SPOPL: variants seen among roughly 807,000 people sequenced by gnomAD.
The protein encoded by SPOPL is speckle-type POZ protein-like.
SPOPL carries 23 observed loss-of-function variants against 53.8 expected under a neutral mutation model. That is an observed-to-expected ratio of 0.43 (90% CI 0.31 to 0.61). The LOEUF (loss-of-function observed/expected upper bound fraction) is 0.61, where lower values mean the gene tolerates loss of function less well. Ranked by LOEUF, SPOPL falls within the 20% of genes least tolerant of loss-of-function variation. SPOPL has a pLI of 0.12. For missense variants in SPOPL, 442 were observed against 466.9 expected, an observed-to-expected ratio of 0.95 and a Z score of 0.49; for synonymous variants, 164 against 149.7, an observed-to-expected ratio of 1.10 and a Z score of -0.70.
intron 1 of SPOPL, among the ~76,000 whole-genome samples, chr2:138,533,159 A>T (rs1684848789): frequency 1.3e-5 from 2 of 152,196 alleles, no homozygotes; most frequent in African/African-American, 2.4e-5. Flanking sequence ...GAGGTGCTAT[A>T]ATAATTTAAT....
intron 1 of SPOPL, among the ~76,000 whole-genome samples, chr2:138,526,343 C>T (rs377402392): frequency 2.0e-5 from 3 of 152,060 alleles, no homozygotes; most frequent in African/African-American, 2.4e-5. Context: ...GGTTATTCAG[C>T]TCTGTTGTCT....
At chr2:138,542,180 G>T (rs1377680376) in intron 1 of SPOPL, among the ~76,000 whole-genome samples, 1 of 152,212 alleles carries the variant, frequency 6.6e-6, no homozygotes, top group Non-Finnish European at 1.5e-5. Flanking sequence ...TGGAATAAAT[G>T]TGGTGTGCTG....
chr2:138,551,160 T>A, intron 4 of SPOPL, 106 bp downstream of exon 4: 1 of 1,268,414 alleles, frequency 7.9e-7, no homozygotes, highest in Non-Finnish European at 1.1e-6. Context: ...TGCTAAAATC[T>A]GCTTAACCTG....
At position 138,559,172 on chromosome 2, in the gene SPOPL, T is replaced by A; in HGVS notation, c.631T>A (p.Phe211Ile). ...DCSFFVRGQE[F>I]KAHKSVLAAR... The stretch of plus-strand genomic sequence containing the variant: ...CAGTTTTTTCGTGAGAGGACAAGAA[T>A]TTAAAGCTCATAAATCTGTGCTTGC... Residue 211 changes from phenylalanine (F) to isoleucine (I), a missense_variant, in exon 6 of 11, where the codon TTT becomes ATT. Coordinates refer to ENST00000280098, the MANE Select transcript of SPOPL (RefSeq NM_001001664.3). The A allele has an allele frequency of 6.2e-7, 1 of 1,613,712 alleles. No individual in the cohort carries two copies. Among genetic ancestry groups the A allele is most frequent in the South Asian group, 1.1e-5 (1 of 91,048 alleles).
intron 1 of SPOPL, among the ~76,000 whole-genome samples, chr2:138,530,371 G>GGTA (rs1684781107): frequency 6.6e-6 from 1 of 152,104 alleles, no homozygotes; most frequent in Non-Finnish European, 1.5e-5. Flanking sequence ...TGGGTCGAAT[G>GGTA]GTAGTTATGT....
At chr2:138,548,940 A>G (rs1685254429) in intron 1 of SPOPL, among the ~76,000 whole-genome samples, 1 of 151,918 alleles carries the variant, frequency 6.6e-6, no homozygotes, top group Non-Finnish European at 1.5e-5. Context: ...TCCTGTTTCT[A>G]CTCCCAAGTC....
At position 138,570,572 on chromosome 2, in the gene SPOPL, G is replaced by A. The variant is rs1445085689; in HGVS notation, c.*1492G>A. ...GTGGTGACCAGTGTGCTTCTTAAGGGCAAGATTTATATTTGACCACAAGGG... is the reference window on the plus strand; with the variant it reads ...GTGGTGACCAGTGTGCTTCTTAAGGACAAGATTTATATTTGACCACAAGGG... On this transcript the variant is annotated 3_prime_UTR_variant, in exon 11 of 11. Coordinates refer to ENST00000280098, the MANE Select transcript of SPOPL (RefSeq NM_001001664.3). 1 of 152,072 alleles carries A rather than the reference G, an allele frequency of 6.6e-6. No individual in the cohort carries two copies. Among genetic ancestry groups the A allele is most frequent in the Non-Finnish European group, 1.5e-5 (1 of 67,994 alleles). 9.4% of individuals were successfully genotyped at this position (152,072 alleles called of 1,614,324 possible). A position where few individuals can be genotyped will look rare whatever the true frequency, so the allele number is the denominator to read the frequency against.
chr2:138,560,815 A>T lies in SPOPL; in HGVS notation c.725A>T (p.Glu242Val). The change falls in exon 8 of 11, where the codon GAA becomes GTA. Residue 242 changes from glutamate (E) to valine (V), a missense_variant. Transcript: ENST00000280098. ...EMEESKKNRV[E>V]INDLDPEVFK... is the part of the protein sequence containing the mutation. ...GTTTTTCGATATCAGAATCGAGTGG[A>T]AATAAATGATTTAGACCCTGAAGTT... 2 of 1,593,692 alleles carry T rather than the reference A, an allele frequency of 1.3e-6. No individual in the cohort carries two copies. The highest frequency in any genetic ancestry group is 1.8e-5 in the Admixed American group (1 of 55,386).
At chr2:138,557,909 A>G (rs1685462527) in intron 5 of SPOPL, among the ~76,000 whole-genome samples, 1 of 152,160 alleles carries the variant, frequency 6.6e-6, no homozygotes, top group Non-Finnish European at 1.5e-5. Context: ...CTGTAATCCC[A>G]ACACTTTGGG....
chr2:138,547,369 T>TAG (rs1685218826), intron 1 of SPOPL, among the ~76,000 whole-genome samples: 1 of 152,232 alleles, frequency 6.6e-6, no homozygotes, highest in African/African-American at 2.4e-5. Context: ...ATAACTCTTC[T>TAG]AGAGATATTG....
chr2:138,561,742 G>T (rs1198324068), intron 8 of SPOPL, among the ~76,000 whole-genome samples: 1 of 152,098 alleles, frequency 6.6e-6, no homozygotes, highest in Non-Finnish European at 1.5e-5. Flanking sequence ...AAAAAAGAGG[G>T]TTAAAACCTA....
At chr2:138,567,717 C>T (rs1685693707) in intron 10 of SPOPL, among the ~76,000 whole-genome samples, 1 of 151,902 alleles carries the variant, frequency 6.6e-6, no homozygotes, top group Non-Finnish European at 1.5e-5. Context: ...GTAGTTCAGG[C>T]AAGAGATGAA....
At chr2:138,567,117 G>A (rs1685676690) in intron 10 of SPOPL, among the ~76,000 whole-genome samples, 1 of 152,252 alleles carries the variant, frequency 6.6e-6, no homozygotes, top group East Asian at 1.9e-4. Flanking sequence ...TATTTTCCCT[G>A]CCTTCACGGA....
Position 138,514,658 on chromosome 2 carries a change from T to G in SPOPL, c.-61+12539T>G, listed in dbSNP as rs558882413. ...CGTCATGAATAGAGTCCCTGTAAAA[T>G]ATCCTTGTATTCCTGTCTGTGCATG... is the stretch of plus-strand genomic sequence containing the variant. On this transcript the variant is annotated intron_variant, in intron 1 of 10. Coordinates refer to ENST00000280098, the MANE Select transcript of SPOPL (RefSeq NM_001001664.3). Among the ~76,000 whole-genome samples, 4 of 152,304 alleles carry G rather than the reference T, an allele frequency of 2.6e-5. No individual in the cohort carries two copies. In the South Asian group the frequency reaches 8.3e-4, roughly 32 times the overall value.
intron 1 of SPOPL, among the ~76,000 whole-genome samples, chr2:138,524,459 T>C (rs981993343): frequency 6.6e-6 from 1 of 152,268 alleles, no homozygotes; most frequent in Non-Finnish European, 1.5e-5. Context: ...TGCAAATTTC[T>C]GCAGCTGACT....
chr2:138,502,497 C>G (rs1573859822), intron 1 of SPOPL, among the ~76,000 whole-genome samples: 1 of 152,214 alleles, frequency 6.6e-6, no homozygotes, highest in East Asian at 1.9e-4. Context: ...TGAGTGCTGC[C>G]CAAAGGCAGA....
At chr2:138,526,319 T>G (rs569535615) in intron 1 of SPOPL, among the ~76,000 whole-genome samples, 2 of 152,304 alleles carry the variant, frequency 1.3e-5, no homozygotes, top group African/African-American at 4.8e-5. Context: ...TGTTGTTTCC[T>G]ACTTTTCCTC....
intron 8 of SPOPL, among the ~76,000 whole-genome samples, chr2:138,562,831 A>G (rs1296039011): frequency 6.6e-6 from 1 of 151,908 alleles, no homozygotes; most frequent in Non-Finnish European, 1.5e-5. Flanking sequence ...ATAAACCTAA[A>G]ATCTAAACCT....
chr2:138,548,364 A>G (rs369717913), intron 1 of SPOPL, among the ~76,000 whole-genome samples: 9 of 150,910 alleles, frequency 6.0e-5, no homozygotes, highest in East Asian at 2.0e-4. Context: ...AAATGCTTTC[A>G]TGGACATCAA....
Sources: allele counts gnomAD v4.1 joint callset (sites outside exome capture counted in the v4.1 genomes callset), GRCh38; gene constraint gnomAD v4.1.1; transcripts MANE v1.5; gene names NCBI Gene and HGNC (gene_info 2026-07-23, HGNC 2026-07-21).